RALYL: variants seen among roughly 807,000 people sequenced by gnomAD.
The protein encoded by RALYL is RALY RNA binding protein like.
Under a neutral mutation model 35.1 loss-of-function variants are expected in RALYL, and 29 were observed. That is an observed-to-expected ratio of 0.83 (90% confidence interval 0.61 to 1.13). The LOEUF is 1.13. RALYL is among the 50% of genes most tolerant of loss of function. The probability of loss-of-function intolerance (pLI) is 0.00; values close to 1 mark genes in which losing one functional copy is unlikely to be tolerated. For synonymous variants in RALYL, 120 were observed against 127.6 expected, an observed-to-expected ratio of 0.94 and a Z score of 0.40; for missense variants, 359 against 360.4, an observed-to-expected ratio of 1.00 and a Z score of 0.03.
intron 2 of RALYL, among the ~76,000 whole-genome samples, chr8:84,570,926 A>G (rs1204954046): frequency 1.3e-5 from 2 of 151,888 alleles, no homozygotes; most frequent in African/African-American, 4.8e-5. Flanking sequence ...TGCATGGAAT[A>G]AAACCCACTT....
intron 3 of RALYL, among the ~76,000 whole-genome samples, chr8:84,778,603 T>A (rs1382782409): frequency 6.6e-6 from 1 of 152,066 alleles, no homozygotes; most frequent in African/African-American, 2.4e-5. Context: ...TGAGCTGACT[T>A]TTGAAGGGAA....
At chr8:84,725,371 T>C (rs1304572911) in intron 2 of RALYL, among the ~76,000 whole-genome samples, 1 of 151,746 alleles carries the variant, frequency 6.6e-6, no homozygotes, top group Non-Finnish European at 1.5e-5. Context: ...GTTAATTATT[T>C]TGAACAATGA....
intron 1 of RALYL, among the ~76,000 whole-genome samples, chr8:84,254,745 T>TGAAAAA (rs745495202): frequency 9.8e-5 from 3 of 30,616 alleles, no homozygotes; most frequent in African/African-American, 6.3e-4. Context: ...GGGTAATTTA[T>TGAAAAA]GAAAAAAAAA....
chr8:84,442,849 TGTTGGTCAAGGGTAAAATATAATG>T (rs2048483334), intron 1 of RALYL, among the ~76,000 whole-genome samples: 1 of 152,134 alleles, frequency 6.6e-6, no homozygotes, highest in African/African-American at 2.4e-5. Flanking sequence ...CAGCATCTTC[TGTTGGTCAAGGGTAAAATATAATG>T]GTTTGTGGAA....
chr8:84,229,108 A>G (rs1203601565), intron 1 of RALYL, among the ~76,000 whole-genome samples: 3 of 152,190 alleles, frequency 2.0e-5, no homozygotes, highest in South Asian at 2.1e-4. Flanking sequence ...CCATTCATTC[A>G]TACGTGCATA....
chr8:84,613,661 C>T lies in RALYL; in HGVS notation c.256+84084C>T, dbSNP rs544679433. Among the ~76,000 whole-genome samples the T allele has an allele frequency of 1.5e-3, 229 of 151,468 alleles. 8 individuals carry two copies. Among genetic ancestry groups the T allele is most frequent in the African/African-American group, 5.3e-3 (217 of 41,046 alleles). Reference sequence around the variant, plus strand: ...TAATAGGTAATATCCATTTTTATCACTTATAGAATCCTGTTGATCCCATAC... The same window carrying T: ...TAATAGGTAATATCCATTTTTATCATTTATAGAATCCTGTTGATCCCATAC... On this transcript the variant is annotated intron_variant, in intron 2 of 8. Coordinates refer to ENST00000521268, the MANE Select transcript of RALYL (RefSeq NM_173848.7).
At chr8:84,412,402 C>T (rs954645122) in intron 1 of RALYL, among the ~76,000 whole-genome samples, 1 of 151,796 alleles carries the variant, frequency 6.6e-6, no homozygotes, top group African/African-American at 2.4e-5. Flanking sequence ...ATGTTCTTTA[C>T]GTGAAAGTTC....
At chr8:84,232,548 A>G (rs548530938) in intron 1 of RALYL, among the ~76,000 whole-genome samples, 1 of 152,286 alleles carries the variant, frequency 6.6e-6, no homozygotes, top group African/African-American at 2.4e-5. Flanking sequence ...GTTTATAACA[A>G]TATATTATAT....
At chr8:84,810,258 A>T (rs1825617947) in intron 4 of RALYL, among the ~76,000 whole-genome samples, 1 of 152,114 alleles carries the variant, frequency 6.6e-6, no homozygotes, top group African/African-American at 2.4e-5. Flanking sequence ...CCCATTCCAG[A>T]GCAGCCTATT....
intron 1 of RALYL, among the ~76,000 whole-genome samples, chr8:84,209,441 C>T (rs1818913186): frequency 6.6e-6 from 1 of 152,144 alleles, no homozygotes; most frequent in South Asian, 2.1e-4. Context: ...CTAAAAGCTT[C>T]CTTTTGTTGG....
chr8:84,590,714 T>C (rs187143822), intron 2 of RALYL, among the ~76,000 whole-genome samples: 4 of 152,330 alleles, frequency 2.6e-5, no homozygotes, highest in African/African-American at 9.6e-5. Context: ...GGGTGAGTTT[T>C]CTTCCTGGTG....
At chr8:84,531,048 C>T (rs997152733) in intron 2 of RALYL, among the ~76,000 whole-genome samples, 25 of 151,778 alleles carry the variant, frequency 1.6e-4, no homozygotes, top group African/African-American at 5.8e-4. Flanking sequence ...TAGTCATCTT[C>T]CTCCTTCTTT....
chr8:84,867,550 A>G (rs1283964248), intron 6 of RALYL, among the ~76,000 whole-genome samples: 1 of 152,232 alleles, frequency 6.6e-6, no homozygotes, highest in Non-Finnish European at 1.5e-5. Context: ...TCGGTGAAAC[A>G]AGGGGACAAA....
At chr8:84,196,552 T>A (rs1815320548) in intron 1 of RALYL, among the ~76,000 whole-genome samples, 1 of 152,246 alleles carries the variant, frequency 6.6e-6, no homozygotes, top group African/African-American at 2.4e-5. Flanking sequence ...TTTTTTGTGC[T>A]AAGTCTTTGA....
chr8:84,487,269 T>G (rs1317569540), intron 1 of RALYL, among the ~76,000 whole-genome samples: 1 of 152,134 alleles, frequency 6.6e-6, no homozygotes, highest in Non-Finnish European at 1.5e-5. Flanking sequence ...AAATAATTTT[T>G]CACTGACCTT....
intron 1 of RALYL, among the ~76,000 whole-genome samples, chr8:84,339,548 T>C (rs1229961071): frequency 3.3e-5 from 5 of 151,960 alleles, no homozygotes; most frequent in Non-Finnish European, 7.4e-5. Flanking sequence ...TGGTGAATTG[T>C]AGAACTATTT....
chr8:84,521,776 A>G (rs537756348), intron 1 of RALYL, among the ~76,000 whole-genome samples: 1 of 152,330 alleles, frequency 6.6e-6, no homozygotes, highest in South Asian at 2.1e-4. Context: ...TAGTTAAAAT[A>G]ACCAATAAGA....
chr8:84,626,105 G>A (rs571834913), intron 2 of RALYL, among the ~76,000 whole-genome samples: 1 of 152,250 alleles, frequency 6.6e-6, no homozygotes, highest in African/African-American at 2.4e-5. Flanking sequence ...TTGTATACAG[G>A]AGTATGTGAT....
intron 1 of RALYL, among the ~76,000 whole-genome samples, chr8:84,222,887 T>G (rs1222123936): frequency 6.6e-6 from 1 of 152,142 alleles, no homozygotes; most frequent in African/African-American, 2.4e-5. Flanking sequence ...TCAAATAAAT[T>G]CTGAAAAGGT....
Sources: allele counts gnomAD v4.1 joint callset (sites outside exome capture counted in the v4.1 genomes callset), GRCh38; gene constraint gnomAD v4.1.1; transcripts MANE v1.5; gene names NCBI Gene and HGNC (gene_info 2026-07-23, HGNC 2026-07-21).